Variants in RBFOX1 observed in about 807,000 individuals in gnomAD.
RBFOX1 encodes the protein RNA binding fox-1 homolog 1, also known as RNA binding protein fox-1 homolog 1.
Under a neutral mutation model 57.7 loss-of-function variants are expected in RBFOX1, and 8 were observed. The observed-to-expected ratio is 0.14, with a 90% CI of 0.08 to 0.25. The LOEUF is 0.25. RBFOX1 is among the 10% of genes least tolerant of loss of function. The pLI is 1.00. For synonymous variants in RBFOX1, 326 were observed against 222.4 expected, an observed-to-expected ratio of 1.47 and a Z score of -4.15; for missense variants, 611 against 548.5, an observed-to-expected ratio of 1.11 and a Z score of -1.14.
intron 2 of RBFOX1, among the ~76,000 whole-genome samples, chr16:5,552,806 C>A (rs1380621339): frequency 6.7e-6 from 1 of 149,120 alleles, no homozygotes; most frequent in Non-Finnish European, 1.5e-5. Context: ...AACAAACATA[C>A]CCCCAGGCCT....
In RBFOX1 at chr16:5,955,351, TAAATAAAAATAAAATAAAATAAAATAAAA is replaced by T. The variant is rs1567187820; in HGVS notation, c.351+88017_351+88045del. Among the ~76,000 whole-genome samples, 6 of 78,962 alleles carry T rather than the reference TAAATAAAAATAAAATAAAATAAAATAAAA, an allele frequency of 7.6e-5. 1 individual carries two copies. The highest frequency in any genetic ancestry group is 3.5e-4 in the African/African-American group (6 of 16,940). The allele number at this position is 78,962 out of a possible 152,430, so 51.8% of individuals were successfully genotyped here. Reference sequence around the variant, plus strand: ...TAAAATAAAATAAAATAAAATAAAATAAATAAAAATAAAATAAAATAAAATAAAATAAAATAAAATAAAATAAAATAAAA... The same window carrying T: ...TAAAATAAAATAAAATAAAATAAAATTAAAATAAAATAAAATAAAATAAAA... On this transcript the variant is annotated intron_variant, in intron 4 of 19. Coordinates refer to the RBFOX1 transcript ENST00000641259.
At chr16:7,297,679 T>C (rs931803911) in intron 4 of RBFOX1, among the ~76,000 whole-genome samples, 2 of 152,206 alleles carry the variant, frequency 1.3e-5, no homozygotes, top group African/African-American at 4.8e-5. Context: ...GGGGTCTTTA[T>C]AATAACAACA....
At chr16:6,745,842 T>C (rs1209039939) in intron 3 of RBFOX1, among the ~76,000 whole-genome samples, 1 of 152,214 alleles carries the variant, frequency 6.6e-6, no homozygotes, top group Non-Finnish European at 1.5e-5. Flanking sequence ...AAAAACTGTC[T>C]TTATTCATAG....
intron 2 of RBFOX1, among the ~76,000 whole-genome samples, chr16:6,645,453 A>G (rs1366482973): frequency 1.3e-5 from 2 of 152,166 alleles, no homozygotes; most frequent in Non-Finnish European, 2.9e-5. Flanking sequence ...AGAGCTGGGA[A>G]TGCTGCTGGT....
chr16:6,673,182 T>C (rs2098778468), intron 3 of RBFOX1, among the ~76,000 whole-genome samples: 1 of 152,148 alleles, frequency 6.6e-6, no homozygotes, highest in African/African-American at 2.4e-5. Flanking sequence ...CATTTTATGG[T>C]CTCCATGCTC....
At chr16:6,078,404 T>G (rs933702300) in intron 1 of RBFOX1, among the ~76,000 whole-genome samples, 13 of 150,976 alleles carry the variant, frequency 8.6e-5, no homozygotes, top group Admixed American at 7.2e-4. Flanking sequence ...GAGACGTTTT[T>G]GGGGGATTTT....
At chr16:6,014,967 C>A (rs893108439), upstream of RBFOX1, among the ~76,000 whole-genome samples, 10 of 151,912 alleles carry the variant, frequency 6.6e-5, no homozygotes, top group Admixed American at 2.0e-4. Flanking sequence ...GCAATCCCCC[C>A]ACCTCAGCCT....
At position 6,358,575 on chromosome 16, in the gene RBFOX1, T is replaced by C. The variant is rs967614347; in HGVS notation, c.-64+41518T>C. ...TAGATTTCATTTATTGAGCAATTAC[T>C]ATGAGCCAGATTCTTTACAGAGTGC... is the stretch of plus-strand genomic sequence containing the variant. On this transcript the variant is annotated intron_variant, in intron 2 of 15. Transcript: ENST00000550418. Among the ~76,000 whole-genome samples, 4 of 152,352 alleles carry C rather than the reference T, an allele frequency of 2.6e-5. No homozygotes were observed. The South Asian group carries it at 8.3e-4, about 32-fold the overall frequency.
intron 1 of RBFOX1, among the ~76,000 whole-genome samples, chr16:5,380,506 A>G (rs995586374): frequency 2.0e-5 from 3 of 152,246 alleles, no homozygotes; most frequent in Non-Finnish European, 4.4e-5. Context: ...AAGTAAATGC[A>G]TAGCAGAGGG....
At chr16:6,639,896 A>C (rs2098473407) in intron 2 of RBFOX1, among the ~76,000 whole-genome samples, 1 of 151,942 alleles carries the variant, frequency 6.6e-6, no homozygotes, top group Admixed American at 6.6e-5. Flanking sequence ...AAAAACAAAA[A>C]ACAAAACCAA....
chr16:7,553,514 G>C (rs1567797870), intron 5 of RBFOX1, among the ~76,000 whole-genome samples: 1 of 152,208 alleles, frequency 6.6e-6, no homozygotes, highest in African/African-American at 2.4e-5. Flanking sequence ...ATGAGTGTCA[G>C]ACATGCAGGA....
chr16:6,665,511 G>A (rs1488019446), intron 3 of RBFOX1, among the ~76,000 whole-genome samples: 1 of 151,732 alleles, frequency 6.6e-6, no homozygotes, highest in Non-Finnish European at 1.5e-5. Context: ...TGTAATCGCA[G>A]CTACTTGGGA....
Position 5,336,153 on chromosome 16 carries a change from G to T in RBFOX1, c.219+96048G>T, listed in dbSNP as rs115942319. On this transcript the variant is annotated intron_variant, in intron 1 of 2. Transcript: ENST00000585867. ...GAGTTCATCTGTCTTTCAAGATGCAGAATGTTTCCAACTTGGGAGCCAAAG... is the reference window on the plus strand; with the variant it reads ...GAGTTCATCTGTCTTTCAAGATGCATAATGTTTCCAACTTGGGAGCCAAAG... Among the ~76,000 whole-genome samples, 1,186 of 152,238 alleles carry T rather than the reference G, an allele frequency of 7.8e-3. 18 individuals carry two copies. Among genetic ancestry groups the T allele is most frequent in the African/African-American group, 0.027 (1,127 of 41,528 alleles).
At chr16:7,024,028 A>C (rs1460536290) in intron 3 of RBFOX1, among the ~76,000 whole-genome samples, 4 of 150,492 alleles carry the variant, frequency 2.7e-5, no homozygotes. Flanking sequence ...CCGTATGTTG[A>C]AAAAGGATTT....
rs375545463 is a variant in RBFOX1, at chr16:5,574,295, C to G, written c.259-24607C>G. On this transcript the variant is annotated intron_variant, in intron 2 of 2. Transcript: ENST00000585867. ...CAGCACTTGCCTGGAAAATGAGGAT[C>G]TGATTGTGCTGTATCTGTCTGTAGC... 2.2e-4 allele frequency among the ~76,000 whole-genome samples: 34 copies of G among 152,340 alleles called. No individual in the cohort carries two copies. The East Asian group carries it at 6.6e-3, about 29-fold the overall frequency.
intron 1 of RBFOX1, among the ~76,000 whole-genome samples, chr16:6,287,799 G>A (rs2077050020): frequency 6.6e-6 from 1 of 152,128 alleles, no homozygotes; most frequent in Non-Finnish European, 1.5e-5. Context: ...TTACCTATAT[G>A]TGGAGGAACT....
At chr16:6,789,570 A>G (rs908944697) in intron 3 of RBFOX1, among the ~76,000 whole-genome samples, 4 of 152,166 alleles carry the variant, frequency 2.6e-5, no homozygotes, top group Admixed American at 2.6e-4. Context: ...CATTTTCTGT[A>G]TCCATAGACA....
intron 11 of RBFOX1, among the ~76,000 whole-genome samples, chr16:7,648,715 A>G (rs1188215391): frequency 6.6e-6 from 1 of 152,060 alleles, no homozygotes; most frequent in Non-Finnish European, 1.5e-5. Context: ...TGTGATGAAG[A>G]CCCTTTAATA....
chr16:6,786,392 C>T (rs1282511526), intron 3 of RBFOX1, among the ~76,000 whole-genome samples: 3 of 152,134 alleles, frequency 2.0e-5, no homozygotes, highest in Non-Finnish European at 4.4e-5. Flanking sequence ...TCTTCTTGTA[C>T]CTTTGGGCTT....
Sources: gnomAD v4.1 joint callset for allele counts (sites outside exome capture counted in the v4.1 genomes callset) on GRCh38, gnomAD v4.1.1 for gene constraint, MANE v1.5 for transcripts, NCBI Gene and HGNC (gene_info 2026-07-23, HGNC 2026-07-21) for gene names.